Variants in PATJ observed in about 807,000 individuals in gnomAD.
The protein encoded by PATJ is PATJ crumbs cell polarity complex component, also known as inaD-like protein.
Under a neutral mutation model 224.9 loss-of-function variants are expected in PATJ, and 190 were observed. The ratio of observed to expected loss-of-function variants is 0.84; its 90% CI spans 0.75 to 0.95. The LOEUF is 0.95. Ranked by LOEUF, PATJ falls within the 40% of genes least tolerant of loss-of-function variation. The pLI, the probability that PATJ is intolerant of heterozygous loss-of-function variation, is 0.00. For synonymous variants in PATJ, 769 were observed against 820.3 expected (o/e 0.94, Z 1.07); for missense variants, 2,121 against 2,270.3 (o/e 0.93, Z 1.34).
intron 18 of PATJ, 24 bp downstream of exon 18, chr1:61,856,263 T>C (rs771004903): frequency 6.4e-7 from 1 of 1,570,420 alleles, no homozygotes; most frequent in Non-Finnish European, 8.8e-7. Flanking sequence ...TTTGTTAATA[T>C]AGGAAGTGAT....
chr1:62,063,000 C>G (rs950180051), intron 31 of PATJ, among the ~76,000 whole-genome samples: 1 of 152,132 alleles, frequency 6.6e-6, no homozygotes, highest in Non-Finnish European at 1.5e-5. Flanking sequence ...TATGCAGAAA[C>G]TCTTTAATTA....
intron 31 of PATJ, among the ~76,000 whole-genome samples, chr1:62,052,570 C>T (rs1453384084): frequency 6.6e-6 from 1 of 151,890 alleles, no homozygotes; most frequent in African/African-American, 2.4e-5. Flanking sequence ...GGAGAAACCC[C>T]GTCTCTACTG....
chr1:62,088,963 G>A (rs893841177), intron 33 of PATJ, among the ~76,000 whole-genome samples: 3 of 151,610 alleles, frequency 2.0e-5, no homozygotes, highest in African/African-American at 7.3e-5. Flanking sequence ...TCCCGAGGAG[G>A]TGTTCATGAA....
At chr1:61,938,159 C>T (rs986355710) in intron 27 of PATJ, among the ~76,000 whole-genome samples, 95 of 152,168 alleles carry the variant, frequency 6.2e-4, no homozygotes, top group African/African-American at 2.1e-3. Context: ...CTGATAGTAC[C>T]CTCCCACTCA....
chr1:61,813,334 C>CATAT lies in PATJ; in HGVS notation c.1683+4846_1683+4849dup, dbSNP rs747640923. 5.4e-3 allele frequency among the ~76,000 whole-genome samples: 340 copies of CATAT among 62,608 alleles called. 2 individuals are homozygous for CATAT. Among genetic ancestry groups the CATAT allele is most frequent in the East Asian group, 0.015 (27 of 1,828 alleles). The allele number at this position is 62,608 out of a possible 152,430, so 41.1% of individuals were successfully genotyped here. A position where few individuals can be genotyped will look rare whatever the true frequency, so the allele number is the denominator to read the frequency against. On this transcript the variant is annotated intron_variant, in intron 14 of 43. Coordinates refer to ENST00000642238, the MANE Select transcript of PATJ (RefSeq NM_001350145.3). ...TCCTGATCAACCTCTATGGAATGTA[C>CATAT]ATATATATATATATATATATATATA...
intron 41 of PATJ, among the ~76,000 whole-genome samples, chr1:62,139,922 G>A (rs1667332095): frequency 6.6e-6 from 1 of 151,970 alleles, no homozygotes; most frequent in East Asian, 1.9e-4. Context: ...ACCACGCCCA[G>A]CTAATTTTTG....
intron 31 of PATJ, among the ~76,000 whole-genome samples, chr1:62,055,797 G>A (rs1654436808): frequency 6.6e-6 from 1 of 152,156 alleles, no homozygotes; most frequent in South Asian, 2.1e-4. Context: ...AGGATATATG[G>A]ATATCTGAGA....
At chr1:61,792,821 T>C (rs1453571018) in intron 9 of PATJ, among the ~76,000 whole-genome samples, 1 of 152,184 alleles carries the variant, frequency 6.6e-6, no homozygotes, top group Non-Finnish European at 1.5e-5. Context: ...TGAGCCACCG[T>C]GCCTGACCCA....
chr1:61,944,433 A>G (rs1294661223), intron 27 of PATJ, among the ~76,000 whole-genome samples: 2 of 152,214 alleles, frequency 1.3e-5, no homozygotes, highest in Non-Finnish European at 2.9e-5. Context: ...ACGAATGCAC[A>G]AGCTTCAGTA....
chr1:61,757,431 C>A (rs1354702019), intron 1 of PATJ, among the ~76,000 whole-genome samples: 1 of 152,072 alleles, frequency 6.6e-6, no homozygotes, highest in African/African-American at 2.4e-5. Flanking sequence ...GTCACCCAGG[C>A]TGGAGTGCAG....
chr1:62,142,584 T>A (rs1667613722), intron 41 of PATJ, among the ~76,000 whole-genome samples: 1 of 152,254 alleles, frequency 6.6e-6, no homozygotes, highest in Admixed American at 6.5e-5. Flanking sequence ...GTCCTGATCC[T>A]CATGGATCCT....
chr1:61,920,160 A>G (rs1674076832), intron 26 of PATJ, among the ~76,000 whole-genome samples: 1 of 152,134 alleles, frequency 6.6e-6, no homozygotes, highest in South Asian at 2.1e-4. Context: ...AAATTTTTAT[A>G]TCATCCTTGG....
At chr1:62,122,104 C>G (rs1307464257) in intron 38 of PATJ, among the ~76,000 whole-genome samples, 1 of 152,042 alleles carries the variant, frequency 6.6e-6, no homozygotes, top group Non-Finnish European at 1.5e-5. Flanking sequence ...GTGGCTCATG[C>G]CTGTAATCTT....
intron 33 of PATJ, among the ~76,000 whole-genome samples, chr1:62,097,452 T>C (rs1661534453): frequency 6.6e-6 from 1 of 152,236 alleles, no homozygotes; most frequent in South Asian, 2.1e-4. Context: ...ATTTTAGCTC[T>C]TGCTCTCCTG....
At chr1:61,801,883 T>C in intron 12 of PATJ, 114 bp downstream of exon 12, 1 of 698,704 alleles carries the variant, frequency 1.4e-6, no homozygotes, top group Non-Finnish European at 2.2e-6. Flanking sequence ...AGACATAAAA[T>C]AGGATATTCT....
rs761278812 is a variant in PATJ at position 62,125,236 on chromosome 1, C to CAAAAAAAAAAAAAA, written c.5043+2182_5043+2195dup. On this transcript the variant is annotated intron_variant, in intron 39 of 43. Transcript: ENST00000642238. Reference sequence around the variant, plus strand: ...TGGGTGACAGAGTAAAACCCTGTCTCAAAAAAAAAAAAAAAAACAAAAAAA... The same window carrying CAAAAAAAAAAAAAA: ...TGGGTGACAGAGTAAAACCCTGTCTCAAAAAAAAAAAAAAAAAAAAAAAAAAAAAAACAAAAAAA... 2.5e-3 allele frequency among the ~76,000 whole-genome samples: 70 copies of CAAAAAAAAAAAAAA among 27,722 alleles called. 3 individuals are homozygous for CAAAAAAAAAAAAAA. Among genetic ancestry groups the CAAAAAAAAAAAAAA allele is most frequent in the Admixed American group, 4.6e-3 (8 of 1,746 alleles). The allele number at this position is 27,722 out of a possible 152,430, so 18.2% of individuals were successfully genotyped here. A position where few individuals can be genotyped will look rare whatever the true frequency, so the allele number is the denominator to read the frequency against.
rs987322852 is a variant in PATJ, at chr1:61,833,753, A to G, written c.2080A>G (p.Lys694Glu). ...GATTGTTGAACTAGTAAAAGATTGT[A>G]AAGGTTTGGGATTCAGCATTTTGGA... ...VKIVELVKDC[K>E]GLGFSILDYQ... Residue 694 changes from lysine to glutamate, a missense_variant, in exon 17 of 44, where the codon AAA (lysine) becomes GAA (glutamate). Transcript: ENST00000642238. The G allele has an allele frequency of 5.6e-6, 9 of 1,613,538 alleles. No homozygotes were observed. In the African/African-American group the frequency reaches 6.7e-5, roughly 12 times the overall value.
intron 7 of PATJ, among the ~76,000 whole-genome samples, chr1:61,778,711 T>TATATAG (rs558184665): frequency 7.3e-5 from 11 of 151,582 alleles, no homozygotes; most frequent in Admixed American, 2.0e-4. Context: ...TATATATATA[T>TATATAG]AGAGAGAGAG....
intron 14 of PATJ, among the ~76,000 whole-genome samples, chr1:61,820,225 A>G (rs1453390101): frequency 6.6e-6 from 1 of 151,942 alleles, no homozygotes; most frequent in Non-Finnish European, 1.5e-5. Context: ...TATTTTTAGT[A>G]GAGACAGGGT....
Sources: gnomAD v4.1 joint callset for allele counts (sites outside exome capture counted in the v4.1 genomes callset) on GRCh38, gnomAD v4.1.1 for gene constraint, MANE v1.5 for transcripts, NCBI Gene and HGNC (gene_info 2026-07-23, HGNC 2026-07-21) for gene names.